STARD8: variants seen among roughly 807,000 people sequenced by gnomAD.
STARD8 encodes stAR-related lipid transfer protein 8.
Under a neutral mutation model 69.4 loss-of-function variants are expected in STARD8, and 25 were observed. That is an observed-to-expected ratio of 0.36 (90% CI 0.26 to 0.50). STARD8 has a LOEUF of 0.50. Ranked by LOEUF, STARD8 falls within the 20% of genes least tolerant of loss-of-function variation. The pLI, the probability that STARD8 is intolerant of heterozygous loss-of-function variation, is 0.96. For missense variants in STARD8, 921 were observed against 932.5 expected, an observed-to-expected ratio of 0.99 and a Z score of 0.16; for synonymous variants, 389 against 374.6, an observed-to-expected ratio of 1.04 and a Z score of -0.45.
chrX:68,666,938 C>T (rs1247516069), intron 2 of STARD8, among the ~76,000 whole-genome samples: 1 of 111,709 alleles, frequency 9.0e-6, no homozygotes, highest in Admixed American at 9.5e-5. Context: ...GAAATAGTGA[C>T]CCCCTTAGAT....
At chrX:68,707,028 CTG>C (rs1161773410) in intron 2 of STARD8, among the ~76,000 whole-genome samples, 1 of 112,778 alleles carries the variant, frequency 8.9e-6, no homozygotes, top group Non-Finnish European at 1.9e-5. Context: ...GCCTTGGGAA[CTG>C]GGGTTGTCAC....
chrX:68,696,365 C>T (rs371828396), intron 2 of STARD8, among the ~76,000 whole-genome samples: 2 of 111,302 alleles, frequency 1.8e-5, no homozygotes, highest in South Asian at 3.7e-4. Context: ...GGCATGCATT[C>T]GGGAAGGGTC....
At chrX:68,650,268 A>C (rs1450269164) in intron 1 of STARD8, among the ~76,000 whole-genome samples, 1 of 109,028 alleles carries the variant, frequency 9.2e-6, no homozygotes, top group African/African-American at 3.3e-5. Flanking sequence ...AAATAAAAAA[A>C]ATTTGCTGGG....
rs758275875 is a variant in STARD8, at chrX:68,717,198, A to G, written c.298-14A>G. 5.1e-6 allele frequency: 6 copies of G among 1,176,332 alleles called. No homozygotes were observed. The highest frequency in any genetic ancestry group is 6.8e-6 in the Non-Finnish European group (6 of 876,538). ...CTGGGCTTCTCTGACCTGATCCTGCAGTGCCTTTCCCAGAATGAAGACTCA... is the reference window on the plus strand; with the variant it reads ...CTGGGCTTCTCTGACCTGATCCTGCGGTGCCTTTCCCAGAATGAAGACTCA... On this transcript the variant is annotated splice_polypyrimidine_tract_variant and intron_variant, in intron 5 of 14. Transcript: ENST00000374599.
chrX:68,708,279 C>CT lies in STARD8; in HGVS notation c.80-4628dup, dbSNP rs1223910900. Among the ~76,000 whole-genome samples, 13 of 112,264 alleles carry CT rather than the reference C, an allele frequency of 1.2e-4. No individual in the cohort carries two copies. The Admixed American group carries it at 1.2e-3, about 11-fold the overall frequency. ...GGAAGCTGGCTTGATTAGAAAAAAG[C>CT]TTTTTTTCCAACTTAGTGATCATCT... On this transcript the variant is annotated intron_variant, in intron 2 of 14. Transcript: ENST00000374599.
chrX:68,649,334 G>A (rs774604482), intron 1 of STARD8, among the ~76,000 whole-genome samples: 1 of 110,666 alleles, frequency 9.0e-6, no homozygotes, highest in Non-Finnish European at 1.9e-5. Context: ...GGCTTCTTTC[G>A]TGATGTGGCT....
At chrX:68,714,801 C>T (rs1324719359) in intron 3 of STARD8, among the ~76,000 whole-genome samples, 1 of 111,887 alleles carries the variant, frequency 8.9e-6, no homozygotes, top group Non-Finnish European at 1.9e-5. Flanking sequence ...TTCCATTCCC[C>T]CAACTCCTTT....
At chrX:68,651,093 G>A (rs189742069) in intron 1 of STARD8, among the ~76,000 whole-genome samples, 7 of 112,559 alleles carry the variant, frequency 6.2e-5, no homozygotes, top group African/African-American at 1.9e-4. Flanking sequence ...TTCCTAGCAT[G>A]ATGTAGACTC....
intron 2 of STARD8, among the ~76,000 whole-genome samples, chrX:68,701,144 C>T (rs1602588851): frequency 8.9e-6 from 1 of 111,912 alleles, no homozygotes; most frequent in East Asian, 2.8e-4. Context: ...TTCCTCTGGC[C>T]TTCTTTAGTG....
chrX:68,702,771 G>T (rs1451372631), intron 2 of STARD8, among the ~76,000 whole-genome samples: 1 of 110,034 alleles, frequency 9.1e-6, no homozygotes, highest in Non-Finnish European at 1.9e-5. Flanking sequence ...TCACAGGTTT[G>T]TTGTGAAGAT....
intron 2 of STARD8, among the ~76,000 whole-genome samples, chrX:68,695,145 G>T (rs759323435): frequency 9.7e-6 from 1 of 102,853 alleles, no homozygotes; most frequent in African/African-American, 3.6e-5. Context: ...CATCCTCCTG[G>T]AATGAAAGGG....
intron 2 of STARD8, among the ~76,000 whole-genome samples, chrX:68,666,597 A>G (rs1465154269): frequency 1.8e-5 from 2 of 112,211 alleles, no homozygotes; most frequent in Non-Finnish European, 3.8e-5. Context: ...TTTCCATCTT[A>G]CGGCTCTGAG....
intron 1 of STARD8, among the ~76,000 whole-genome samples, chrX:68,662,376 C>T (rs1369342920): frequency 9.0e-6 from 1 of 111,029 alleles, no homozygotes; most frequent in Non-Finnish European, 1.9e-5. Context: ...AGTAACATTC[C>T]GAAACATAAA....
chrX:68,697,091 C>G (rs1412488079), intron 2 of STARD8, among the ~76,000 whole-genome samples: 3 of 111,978 alleles, frequency 2.7e-5, no homozygotes, highest in African/African-American at 6.5e-5. Flanking sequence ...TCCCAGAAAC[C>G]TTATCAGTTC....
In STARD8 at chrX:68,675,004, T is replaced by C. The variant is rs760498425; in HGVS notation, c.79+9472T>C. 9.6e-4 allele frequency among the ~76,000 whole-genome samples: 101 copies of C among 105,705 alleles called. No individual in the cohort carries two copies. In the Middle Eastern group the frequency reaches 0.019, roughly 20 times the overall value. The allele number at this position is 105,705 out of a possible 115,157, so 91.8% of individuals were successfully genotyped here. A position where few individuals can be genotyped will look rare whatever the true frequency, so the allele number is the denominator to read the frequency against. ...GGAGTTTCGCTCTTGTTGCCCAGGCTGGAGTGCAATGATGAGATCTCGGCT... is the reference window on the plus strand; with the variant it reads ...GGAGTTTCGCTCTTGTTGCCCAGGCCGGAGTGCAATGATGAGATCTCGGCT... On this transcript the variant is annotated intron_variant, in intron 2 of 14. Transcript: ENST00000374599.
chrX:68,695,899 G>A (rs1374329834), intron 2 of STARD8, among the ~76,000 whole-genome samples: 1 of 112,147 alleles, frequency 8.9e-6, no homozygotes, highest in Non-Finnish European at 1.9e-5. Context: ...GGAAGGAGGG[G>A]ATGGAGTCTC....
intron 2 of STARD8, among the ~76,000 whole-genome samples, chrX:68,705,673 C>A (rs922058694): frequency 8.9e-6 from 1 of 112,523 alleles, no homozygotes; most frequent in African/African-American, 3.2e-5. Context: ...CCCTCAGGAT[C>A]TCGTGCTTCA....
In STARD8 at chrX:68,717,209, C is replaced by T; in HGVS notation, c.298-3C>T. ...TGACCTGATCCTGCAGTGCCTTTCC[C>T]AGAATGAAGACTCAGAAGAGGAAGA... On this transcript the variant is annotated splice_region_variant and splice_polypyrimidine_tract_variant and intron_variant, in intron 5 of 14. Coordinates refer to ENST00000374599, the MANE Select transcript of STARD8 (RefSeq NM_001142503.3). 1.7e-6 allele frequency: 2 copies of T among 1,184,639 alleles called. No individual in the cohort carries two copies. The highest frequency in any genetic ancestry group is 2.3e-6 in the Non-Finnish European group (2 of 880,788).
intron 2 of STARD8, among the ~76,000 whole-genome samples, chrX:68,702,991 T>A (rs960877127): frequency 6.3e-5 from 7 of 111,636 alleles, no homozygotes; most frequent in Non-Finnish European, 1.3e-4. Context: ...GGGGCGGTGG[T>A]GGCTCACACC....
Sources: allele counts gnomAD v4.1 joint callset (sites outside exome capture counted in the v4.1 genomes callset), GRCh38; gene constraint gnomAD v4.1.1; transcripts MANE v1.5; gene names NCBI Gene and HGNC (gene_info 2026-07-23, HGNC 2026-07-21).